ATG4D: variants seen among roughly 807,000 people sequenced by gnomAD.
ATG4D encodes autophagy related 4D cysteine peptidase.
In ATG4D, 51 loss-of-function variants were observed where a neutral mutation model predicts 55.2. That is an observed-to-expected ratio of 0.92 (90% CI 0.74 to 1.17). ATG4D has a LOEUF of 1.17. Ranked by LOEUF, ATG4D falls within the 50% of genes most tolerant of loss-of-function variation. The pLI is 0.00. For synonymous variants in ATG4D, 268 were observed against 266.2 expected (o/e 1.01, Z -0.07); for missense variants, 635 against 649.6 (o/e 0.98, Z 0.25).
Position 10,553,011 on chromosome 19 carries a change from A to G in ATG4D, c.1369A>G (p.Thr457Ala). The G allele has an allele frequency of 6.2e-7, 1 of 1,612,778 alleles. No individual in the cohort carries two copies. Among genetic ancestry groups the G allele is most frequent in the South Asian group, 1.1e-5 (1 of 91,078 alleles). ...LAQPTLRLPR[T>A]GRLLRAKRPS... Reference sequence around the variant, plus strand: ...CCAGCCCACACTCCGGCTCCCTCGCACAGGGCGGCTCCTCAGGGCCAAACG... The same window carrying G: ...CCAGCCCACACTCCGGCTCCCTCGCGCAGGGCGGCTCCTCAGGGCCAAACG... The change falls in exon 10 of 10, where the codon ACA (threonine) becomes GCA (alanine). Residue 457 changes from threonine (T) to alanine (A), a missense_variant. By Grantham distance (58) the Thr-to-Ala change is moderately conservative. Coordinates refer to ENST00000309469, the MANE Select transcript of ATG4D (RefSeq NM_032885.6).
chr19:10,548,760 C>T, intron 5 of ATG4D, 144 bp from the exon 6 acceptor site: 1 of 1,224,816 alleles, frequency 8.2e-7, no homozygotes, highest in East Asian at 2.4e-5. Flanking sequence ...GTTTGGGGGG[C>T]ACTAGAATGA....
At chr19:10,547,322 G>T in intron 5 of ATG4D, 69 bp downstream of exon 5, 1 of 1,556,572 alleles carries the variant, frequency 6.4e-7, no homozygotes. Flanking sequence ...CCGATTCTTA[G>T]AGTGCATCTT....
Position 10,551,632 on chromosome 19 carries a change from G to A in ATG4D, c.967-265G>A, listed in dbSNP as rs149285025. Among the ~76,000 whole-genome samples, 202 of 151,552 alleles carry A rather than the reference G, an allele frequency of 1.3e-3. 5 individuals carry two copies. In the East Asian group the frequency reaches 0.033, roughly 25 times the overall value. ...GGAGAATCGCTTGAACTTAGGAGGC[G>A]GAGGTTGCGGTGAGCCAATTGGGCC... is the stretch of plus-strand genomic sequence containing the variant. On this transcript the variant is annotated intron_variant, in intron 6 of 9. Coordinates refer to ENST00000309469, the MANE Select transcript of ATG4D (RefSeq NM_032885.6).
intron 9 of ATG4D, 109 bp downstream of exon 9, chr19:10,552,433 G>T (rs1305821214): frequency 1.4e-6 from 2 of 1,396,880 alleles, no homozygotes; most frequent in Non-Finnish European, 1.9e-6. Flanking sequence ...CTGCTTCCAG[G>T]CTAGGGGTCC....
rs546847618 is a variant in ATG4D, at chr19:10,547,940, G to A, written c.835+687G>A. ...TTGAACTCCTGACCTCAGGTGATTC[G>A]CCCACTTTGGCCTCCCAAAGTGCTG... On this transcript the variant is annotated intron_variant, in intron 5 of 9. Coordinates refer to ENST00000309469, the MANE Select transcript of ATG4D (RefSeq NM_032885.6). Among the ~76,000 whole-genome samples, 13 of 125,172 alleles carry A rather than the reference G, an allele frequency of 1.0e-4. No homozygotes were observed. The South Asian group carries it at 3.0e-3, about 29-fold the overall frequency. 82.1% of individuals were successfully genotyped at this position (125,172 alleles called of 152,430 possible). A position where few individuals can be genotyped will look rare whatever the true frequency, so the allele number is the denominator to read the frequency against.
chr19:10,544,910 G>C (rs374522559), intron 2 of ATG4D, 44 bp downstream of exon 2: 5 of 1,586,754 alleles, frequency 3.2e-6, no homozygotes, highest in Non-Finnish European at 3.4e-6. Flanking sequence ...GCCTCTCCAC[G>C]CCCGCCGGAG....
chr19:10,552,938 G>C lies in ATG4D; in HGVS notation c.1296G>C (p.Glu432Asp). The C allele has an allele frequency of 6.2e-7, 1 of 1,613,662 alleles. No homozygotes were observed. The highest frequency in any genetic ancestry group is 8.5e-7 in the Non-Finnish European group (1 of 1,179,952). Residue 432 changes from glutamate (E) to aspartate (D), a missense_variant, in exon 10 of 10, where the codon GAG becomes GAC. By Grantham distance (45) the Glu-to-Asp change is conservative (BLOSUM62 2). Transcript: ENST00000309469. ...GGTACCCCATGTTCACCCTGGCCGA[G>C]GGCCATGCTCAGGACCACAGCCTGG... is the stretch of plus-strand genomic sequence containing the variant. Reference protein sequence around the residue: ...TERYPMFTLAEGHAQDHSLDD... With the variant: ...TERYPMFTLADGHAQDHSLDD...
At chr19:10,551,724 T>C (rs982107064) in intron 6 of ATG4D, among the ~76,000 whole-genome samples, 173 bp from the exon 7 acceptor site, 7 of 147,012 alleles carry the variant, frequency 4.8e-5, no homozygotes, top group Non-Finnish European at 7.5e-5. Flanking sequence ...AAAAAATTCA[T>C]GTAATCATCT....
Position 10,546,854 on chromosome 19 carries a change from A to C in ATG4D, c.509A>C (p.Glu170Ala). ...ATTCCACCAGACTGGACATGGGCCG[A>C]GGGCATGGGCCTGGGCCCCCCTGAG... ...HFLPRDWTWA[E>A]GMGLGPPELS... The change falls in exon 4 of 10, where the codon GAG becomes GCG. Residue 170 changes from glutamate to alanine, a missense_variant. Transcript: ENST00000309469. 6.3e-7 allele frequency: 1 copy of C among 1,593,116 alleles called. No homozygotes were observed. Among genetic ancestry groups the C allele is most frequent in the East Asian group, 2.2e-5 (1 of 44,492 alleles).
At chr19:10,545,383 C>G (rs538690157) in intron 3 of ATG4D, among the ~76,000 whole-genome samples, 11 of 150,808 alleles carry the variant, frequency 7.3e-5, no homozygotes, top group African/African-American at 2.2e-4. Flanking sequence ...ACCAGCCTGG[C>G]CAATATGATG....
At chr19:10,544,362 G>A (rs1360301739) in intron 1 of ATG4D, 37 bp downstream of exon 1, 3 of 1,292,726 alleles carry the variant, frequency 2.3e-6, no homozygotes, top group Middle Eastern at 2.1e-4. Flanking sequence ...GGGTGTCGGG[G>A]GCCGTTGAGG....
Position 10,553,273 on chromosome 19 carries a change from C to T in ATG4D, c.*206C>T. ...TCTCCCACCAGCGGGGCCCTCCTGG[C>T]AGGGTAGGGAAGGAGGACCCCGGGC... On this transcript the variant is annotated 3_prime_UTR_variant, in exon 10 of 10. Transcript: ENST00000309469. 3 of 650,508 alleles carry T rather than the reference C, an allele frequency of 4.6e-6. No homozygotes were observed. Among genetic ancestry groups the T allele is most frequent in the Non-Finnish European group, 7.4e-6 (3 of 407,732 alleles). The allele number at this position is 650,508 out of a possible 1,614,324, so 40.3% of individuals were successfully genotyped here.
chr19:10,545,608 T>C (rs977315810), intron 3 of ATG4D, among the ~76,000 whole-genome samples: 1 of 150,620 alleles, frequency 6.6e-6, no homozygotes, highest in African/African-American at 2.5e-5. Flanking sequence ...CCAGGCACGG[T>C]GGCTCATGCC....
Position 10,545,095 on chromosome 19 carries a change from T to C in ATG4D, c.458T>C (p.Leu153Pro), listed in dbSNP as rs759623863. ...GCMLRSGQMMLAQGLLLHFLP... is the reference protein window; with the variant it reads ...GCMLRSGQMMPAQGLLLHFLP... ...ATGTTACGCAGCGGCCAGATGATGC[T>C]GGCACAGGGCCTTCTGCTGCATTTC... is the stretch of plus-strand genomic sequence containing the variant. The change falls in exon 3 of 10, where the codon CTG becomes CCG. Residue 153 changes from leucine to proline, a missense_variant. Transcript: ENST00000309469. 2 of 1,612,402 alleles carry C rather than the reference T, an allele frequency of 1.2e-6. No homozygotes were observed. Among genetic ancestry groups the C allele is most frequent in the Non-Finnish European group, 1.7e-6 (2 of 1,180,022 alleles).
chr19:10,549,607 G>A (rs957447275), intron 6 of ATG4D, among the ~76,000 whole-genome samples: 1 of 151,502 alleles, frequency 6.6e-6, no homozygotes, highest in Non-Finnish European at 1.5e-5. Context: ...TAGTAGAGAC[G>A]GGGTTTCGCC....
At chr19:10,549,928 A>C (rs896157501) in intron 6 of ATG4D, among the ~76,000 whole-genome samples, 1 of 152,162 alleles carries the variant, frequency 6.6e-6, no homozygotes, top group Non-Finnish European at 1.5e-5. Context: ...GCTCAGGCCT[A>C]TAATCCCAGC....
At chr19:10,552,773 G>T in intron 9 of ATG4D, 112 bp from the exon 10 acceptor site, 2 of 1,156,840 alleles carry the variant, frequency 1.7e-6, no homozygotes, top group Non-Finnish European at 2.4e-6. Flanking sequence ...GGTGCTGATT[G>T]GCTGCTCTCT....
chr19:10,545,013 C>CG lies in ATG4D; in HGVS notation c.379dup (p.Asp127GlyfsTer52). The CG allele has an allele frequency of 6.2e-7, 1 of 1,609,834 alleles. No homozygotes were observed. Reference sequence around the variant, plus strand: ...GTCCCGCCTGTGGCTCACATACCGCCGGGACTTCCCGCCCCTTCCTGGGGG... The same window carrying CG: ...GTCCCGCCTGTGGCTCACATACCGCCGGGGACTTCCCGCCCCTTCCTGGGGG... On this transcript the variant is annotated frameshift_variant, in exon 3 of 10. Transcript: ENST00000309469. LOFTEE classifies it high-confidence loss of function.
intron 5 of ATG4D, among the ~76,000 whole-genome samples, chr19:10,547,500 A>C (rs74630689): frequency 6.6e-6 from 1 of 151,752 alleles, no homozygotes; most frequent in Non-Finnish European, 1.5e-5. Flanking sequence ...GTGGTGGCAC[A>C]TACTGTAGTC....
Sources: gnomAD v4.1 joint callset for allele counts (sites outside exome capture counted in the v4.1 genomes callset) on GRCh38, gnomAD v4.1.1 for gene constraint, MANE v1.5 for transcripts, NCBI Gene and HGNC (gene_info 2026-07-23, HGNC 2026-07-21) for gene names.